TRAF2: variants seen among roughly 807,000 people sequenced by gnomAD.
TRAF2 encodes the protein TNF receptor associated factor 2.
TRAF2 carries 6 observed loss-of-function variants against 55.6 expected under a neutral mutation model. The observed-to-expected ratio is 0.11, with a 90% CI of 0.06 to 0.21. The LOEUF (loss-of-function observed/expected upper bound fraction) is 0.21. TRAF2 is among the 10% of genes least tolerant of loss of function. The pLI is 1.00. For missense variants in TRAF2, 561 were observed against 684.5 expected (o/e 0.82, Z 2.01); for synonymous variants, 329 against 276.3 (o/e 1.19, Z -1.89).
chr9:136,891,468 T>C (rs774172512), intron 1 of TRAF2, among the ~76,000 whole-genome samples: 1 of 151,876 alleles, frequency 6.6e-6, no homozygotes, highest in Non-Finnish European at 1.5e-5. Context: ...GGTCTTGAAC[T>C]CCTGAGCTCA....
chr9:136,913,098 G>A (rs1212012581), intron 6 of TRAF2, among the ~76,000 whole-genome samples: 1 of 152,020 alleles, frequency 6.6e-6, no homozygotes, highest in African/African-American at 2.4e-5. Context: ...AGCCAAGATC[G>A]CGCCAGTGCG....
chr9:136,892,603 G>A (rs1228801592), intron 1 of TRAF2, among the ~76,000 whole-genome samples: 1 of 152,228 alleles, frequency 6.6e-6, no homozygotes, highest in African/African-American at 2.4e-5. Context: ...GGCTCAGCCA[G>A]GCACAGTGGC....
chr9:136,900,625 G>A (rs1471337998), intron 4 of TRAF2, 105 bp downstream of exon 4: 2 of 890,978 alleles, frequency 2.2e-6, no homozygotes, highest in South Asian at 1.4e-5. Context: ...CTCTCACTGG[G>A]GCTGAAGCCT....
intron 7 of TRAF2, among the ~76,000 whole-genome samples, chr9:136,918,505 G>C (rs1850300866): frequency 6.6e-6 from 1 of 151,736 alleles, no homozygotes; most frequent in Non-Finnish European, 1.5e-5. Context: ...GCCCAGGCTG[G>C]TCTCGAACTT....
At chr9:136,915,169 A>G (rs1313398745) in intron 6 of TRAF2, among the ~76,000 whole-genome samples, 1 of 152,152 alleles carries the variant, frequency 6.6e-6, no homozygotes, top group Non-Finnish European at 1.5e-5. Flanking sequence ...ACAAGAGAGA[A>G]ACTCCGTCTC....
intron 10 of TRAF2, 32 bp from the exon 11 acceptor site, chr9:136,925,651 C>G: frequency 1.2e-6 from 2 of 1,608,534 alleles, no homozygotes; most frequent in Non-Finnish European, 1.7e-6. Flanking sequence ...GCCCACAGAC[C>G]TGTGTCCCCT....
intron 6 of TRAF2, among the ~76,000 whole-genome samples, chr9:136,913,575 G>C (rs1850172400): frequency 6.6e-6 from 1 of 152,118 alleles, no homozygotes; most frequent in Non-Finnish European, 1.5e-5. Flanking sequence ...GGGATTACAA[G>C]TGTGAGCCAC....
Position 136,920,447 on chromosome 9 carries a change from A to C in TRAF2, c.892A>C (p.Met298Leu). 6.2e-7 allele frequency: 1 copy of C among 1,613,988 alleles called. No homozygotes were observed. Among genetic ancestry groups the C allele is most frequent in the East Asian group, 2.2e-5 (1 of 44,872 alleles). Reference sequence around the variant, plus strand: ...GAACCGGGAGGTGGAGAGGGTGGCCATGACTGCCGAGGCCTGCAGCCGGCA... The same window carrying C: ...GAACCGGGAGGTGGAGAGGGTGGCCCTGACTGCCGAGGCCTGCAGCCGGCA... ...VLNREVERVA[M>L]TAEACSRQHR... Residue 298 changes from methionine (M) to leucine (L), a missense_variant, in exon 8 of 11, where the codon ATG becomes CTG. Physicochemically the swap from Met to Leu is conservative, Grantham distance 15. This residue lies in a region of TRAF2 where 426 missense variants were observed against 476.8 expected (regional missense o/e 0.89). Coordinates refer to ENST00000247668, the MANE Select transcript of TRAF2 (RefSeq NM_021138.4).
chr9:136,890,772 C>G lies in TRAF2; in HGVS notation c.-29+4231C>G, dbSNP rs17250057. ...CAGTGGGACCTCAGGGTCCCCTGAC[C>G]GGGCTGCCTGCCGTGTCCTGGCTGT... On this transcript the variant is annotated intron_variant, in intron 1 of 10. Transcript: ENST00000247668. 1.8e-3 allele frequency among the ~76,000 whole-genome samples: 278 copies of G among 152,302 alleles called. 1 individual carries two copies. Among genetic ancestry groups the G allele is most frequent in the African/African-American group, 6.4e-3 (266 of 41,562 alleles).
At chr9:136,924,038 T>C in intron 10 of TRAF2, 38 bp downstream of exon 10, 1 of 1,605,672 alleles carries the variant, frequency 6.2e-7, no homozygotes, top group Non-Finnish European at 8.5e-7. Context: ...GGGCCGCACC[T>C]GGGAGTCCCT....
chr9:136,912,064 A>AG (rs1479269895), intron 6 of TRAF2, among the ~76,000 whole-genome samples: 1 of 150,176 alleles, frequency 6.7e-6, no homozygotes, highest in Non-Finnish European at 1.5e-5. Context: ...CGTGTTGACC[A>AG]GGATGGTGTC....
At chr9:136,882,097 G>A (rs1849381761), upstream of TRAF2, 2 of 966,594 alleles carry the variant, frequency 2.1e-6, no homozygotes, top group Non-Finnish European at 2.5e-6. Context: ...GTCCCGTGGG[G>A]GGCCCAGCTT....
intron 6 of TRAF2, among the ~76,000 whole-genome samples, chr9:136,913,549 G>A (rs1007140752): frequency 6.6e-6 from 1 of 151,666 alleles, no homozygotes; most frequent in African/African-American, 2.4e-5. Context: ...CACCTGCCTC[G>A]GCCTCCCAAA....
intron 9 of TRAF2, chr9:136,922,457 C>G (rs1223206028): frequency 6.5e-6 from 1 of 152,872 alleles, no homozygotes; most frequent in South Asian, 2.0e-4. Context: ...TGTGGAGGCC[C>G]TGCCACGGAG....
At chr9:136,907,199 C>T (rs954837856) in intron 4 of TRAF2, among the ~76,000 whole-genome samples, 1 of 152,280 alleles carries the variant, frequency 6.6e-6, no homozygotes. Flanking sequence ...CAGTCCTCTG[C>T]CTCGCCTGAC....
intron 6 of TRAF2, among the ~76,000 whole-genome samples, chr9:136,911,321 A>G (rs1850101381): frequency 6.9e-6 from 1 of 145,520 alleles, no homozygotes; most frequent in Non-Finnish European, 1.5e-5. Context: ...CAGGAGTGCA[A>G]TGGTGTGATC....
At chr9:136,914,355 G>C (rs1850191652) in intron 6 of TRAF2, among the ~76,000 whole-genome samples, 1 of 152,158 alleles carries the variant, frequency 6.6e-6, no homozygotes. Context: ...CAGGTTCCTG[G>C]CCTCTTCTCC....
Position 136,926,031 on chromosome 9 carries a change from C to T in TRAF2, c.*130C>T, listed in dbSNP as rs773599329. On this transcript the variant is annotated 3_prime_UTR_variant, in exon 11 of 11. Transcript: ENST00000247668. ...CGCGCTTGGGCGCTTGGGAGGGTGTCGGCCTGCAGCCAAGTTCACTGTCAC... is the reference window on the plus strand; with the variant it reads ...CGCGCTTGGGCGCTTGGGAGGGTGTTGGCCTGCAGCCAAGTTCACTGTCAC... 3.8e-5 allele frequency: 43 copies of T among 1,119,700 alleles called. No individual in the cohort carries two copies. The highest frequency in any genetic ancestry group is 1.8e-4 in the Admixed American group (10 of 56,306). 69.4% of individuals were successfully genotyped at this position (1,119,700 alleles called of 1,614,324 possible).
intron 6 of TRAF2, among the ~76,000 whole-genome samples, chr9:136,915,692 C>T (rs17244110): frequency 6.6e-6 from 1 of 152,082 alleles, no homozygotes; most frequent in African/African-American, 2.4e-5. Flanking sequence ...AGCAGAGCCT[C>T]GAGGCGGTTC....
Sources: gnomAD v4.1 joint callset for allele counts (sites outside exome capture counted in the v4.1 genomes callset) on GRCh38, gnomAD v4.1.1 for gene constraint, gnomAD v4.1.1 regional missense constraint, MANE v1.5 for transcripts, NCBI Gene and HGNC (gene_info 2026-07-23, HGNC 2026-07-21) for gene names.